NTN1: variants seen among roughly 807,000 people sequenced by gnomAD.
NTN1 encodes netrin 1, also known as netrin-1.
NTN1 carries 11 observed loss-of-function variants against 54.2 expected under a neutral mutation model. The observed-to-expected ratio is 0.20, with a 90% CI of 0.13 to 0.34. The LOEUF (loss-of-function observed/expected upper bound fraction) is 0.34, where lower values mean the gene tolerates loss of function less well. Ranked by LOEUF, NTN1 falls within the 10% of genes least tolerant of loss-of-function variation. The pLI is 1.00. For synonymous variants in NTN1, 371 were observed against 382.0 expected, an observed-to-expected ratio of 0.97 and a Z score of 0.33; for missense variants, 740 against 893.1, an observed-to-expected ratio of 0.83 and a Z score of 2.18.
intron 2 of NTN1, among the ~76,000 whole-genome samples, chr17:9,112,198 G>A (rs1257301088): frequency 1.3e-5 from 2 of 152,248 alleles, no homozygotes; most frequent in Admixed American, 1.3e-4. Flanking sequence ...CCAAGGACAG[G>A]ACACTCTGTG....
At position 9,043,032 on chromosome 17, in the gene NTN1, G is replaced by A. The variant is rs150318948; in HGVS notation, c.1018+19641G>A. 3.2e-3 allele frequency among the ~76,000 whole-genome samples: 483 copies of A among 152,030 alleles called. 3 individuals carry two copies. The highest frequency in any genetic ancestry group is 0.011 in the African/African-American group (459 of 41,468). On this transcript the variant is annotated intron_variant, in intron 2 of 6. Transcript: ENST00000173229. The stretch of plus-strand genomic sequence containing the variant: ...ATTTCAATTTCTTCCATACTTATGT[G>A]TTTATTCAGAAATTTTTCAACTGCT...
At chr17:9,094,357 A>G (rs1235245374) in intron 2 of NTN1, among the ~76,000 whole-genome samples, 2 of 152,010 alleles carry the variant, frequency 1.3e-5, no homozygotes, top group Non-Finnish European at 1.5e-5. Context: ...GTGTCTGTTT[A>G]GTTCTTTTTG....
intron 2 of NTN1, among the ~76,000 whole-genome samples, chr17:9,147,507 C>A (rs1469686870): frequency 6.6e-6 from 1 of 152,086 alleles, no homozygotes; most frequent in Non-Finnish European, 1.5e-5. Context: ...GAGAGAGACT[C>A]CGTCTCAAAA....
intron 6 of NTN1, among the ~76,000 whole-genome samples, chr17:9,223,083 G>T (rs1007855291): frequency 6.6e-6 from 1 of 152,154 alleles, no homozygotes; most frequent in African/African-American, 2.4e-5. Context: ...GGCCCTTCAG[G>T]GGTCTACAGT....
At chr17:9,115,155 AG>A (rs1207248811) in intron 2 of NTN1, among the ~76,000 whole-genome samples, 1 of 152,182 alleles carries the variant, frequency 6.6e-6, no homozygotes, top group African/African-American at 2.4e-5. Context: ...GCTCCTTGAG[AG>A]AAAGGACTGT....
At chr17:9,140,969 C>T (rs571440156) in intron 2 of NTN1, among the ~76,000 whole-genome samples, 2 of 152,150 alleles carry the variant, frequency 1.3e-5, no homozygotes, top group South Asian at 4.2e-4. Context: ...TGGGCGGTGA[C>T]AGTGGTGACT....
At chr17:9,158,005 C>A (rs1163076640) in intron 2 of NTN1, among the ~76,000 whole-genome samples, 1 of 152,106 alleles carries the variant, frequency 6.6e-6, no homozygotes, top group African/African-American at 2.4e-5. Flanking sequence ...TGTGTGGAGC[C>A]GAGGGATCCA....
Position 9,022,530 on chromosome 17 carries a change from C to T in NTN1, c.157C>T (p.Pro53Ser). The T allele has an allele frequency of 1.3e-6, 2 of 1,550,760 alleles. No individual in the cohort carries two copies. The highest frequency in any genetic ancestry group is 1.7e-6 in the Non-Finnish European group (2 of 1,150,930). Residue 53 changes from proline (P) to serine (S), a missense_variant, in exon 2 of 7, where the codon CCG becomes TCG. Transcript: ENST00000173229. Reference sequence around the variant, plus strand: ...GAACGGCCACCCGCGCCGCTGCATCCCGGACTTTGTCAATGCGGCCTTCGG... The same window carrying T: ...GAACGGCCACCCGCGCCGCTGCATCTCGGACTTTGTCAATGCGGCCTTCGG... ...DENGHPRRCI[P>S]DFVNAAFGKD... is the part of the protein sequence containing the mutation.
intron 2 of NTN1, among the ~76,000 whole-genome samples, chr17:9,075,617 GC>G (rs1171848671): frequency 1.3e-5 from 2 of 152,348 alleles, no homozygotes; most frequent in East Asian, 3.9e-4. Flanking sequence ...AAAGGGGACG[GC>G]CTGTCAGCCT....
At chr17:9,127,258 T>A (rs1427708157) in intron 2 of NTN1, among the ~76,000 whole-genome samples, 1 of 151,982 alleles carries the variant, frequency 6.6e-6, no homozygotes, top group Non-Finnish European at 1.5e-5. Flanking sequence ...AGGTGGGAGA[T>A]GACGGGGGCT....
chr17:9,176,555 T>C (rs908372779), intron 3 of NTN1: 3 of 152,204 alleles, frequency 2.0e-5, no homozygotes, highest in African/African-American at 7.2e-5. Flanking sequence ...TTGCCATCTG[T>C]CAACTCTCCC....
At chr17:9,235,248 A>T (rs1905946393) in intron 6 of NTN1, among the ~76,000 whole-genome samples, 1 of 152,088 alleles carries the variant, frequency 6.6e-6, no homozygotes, top group Admixed American at 6.5e-5. Flanking sequence ...TACAGGTGTA[A>T]GTCACCGTGC....
chr17:9,161,018 T>C (rs2092355428), intron 2 of NTN1, among the ~76,000 whole-genome samples: 1 of 152,144 alleles, frequency 6.6e-6, no homozygotes, highest in Admixed American at 6.5e-5. Context: ...TAAAACGTGA[T>C]TTAGAACACA....
chr17:9,058,925 T>C (rs2091987796), intron 2 of NTN1, among the ~76,000 whole-genome samples: 1 of 152,134 alleles, frequency 6.6e-6, no homozygotes, highest in African/African-American at 2.4e-5. Context: ...AAATCCAGAC[T>C]CGGCCACTTC....
In NTN1 at chr17:9,226,162, C is replaced by CG. The variant is rs71135953; in HGVS notation, c.1486+4929dup. On this transcript the variant is annotated intron_variant, in intron 6 of 6. Transcript: ENST00000173229. The stretch of plus-strand genomic sequence containing the variant: ...GAAGCAAGGCAAAGGGATTTGGGGT[C>CG]GGGGGGGGGCCTCAGTGCCAAGGCC... Among the ~76,000 whole-genome samples the CG allele has an allele frequency of 2.9e-3, 333 of 116,520 alleles. 10 individuals are homozygous for CG. The highest frequency in any genetic ancestry group is 0.011 in the South Asian group (31 of 2,930). The allele number at this position is 116,520 out of a possible 152,430, so 76.4% of individuals were successfully genotyped here.
intron 2 of NTN1, among the ~76,000 whole-genome samples, chr17:9,031,808 A>G: frequency 6.6e-6 from 1 of 151,958 alleles, no homozygotes; most frequent in Non-Finnish European, 1.5e-5. Flanking sequence ...AACAAACAAA[A>G]AAAACTAGCC....
chr17:9,151,952 G>C (rs908871227), intron 2 of NTN1, among the ~76,000 whole-genome samples: 2 of 152,168 alleles, frequency 1.3e-5, no homozygotes, highest in Non-Finnish European at 2.9e-5. Context: ...ATCAGCCCGA[G>C]TCTAAAAGTA....
intron 5 of NTN1, among the ~76,000 whole-genome samples, chr17:9,197,589 G>T (rs1188999768): frequency 6.6e-6 from 1 of 151,722 alleles, no homozygotes; most frequent in Non-Finnish European, 1.5e-5. Context: ...GAACAGAGGA[G>T]GTGGAGGTTG....
At chr17:9,229,190 T>C (rs1209054739) in intron 6 of NTN1, among the ~76,000 whole-genome samples, 1 of 152,038 alleles carries the variant, frequency 6.6e-6, no homozygotes, top group Non-Finnish European at 1.5e-5. Flanking sequence ...CTGTGCTCTC[T>C]TGGGGGTCCG....
Sources: allele counts gnomAD v4.1 joint callset (sites outside exome capture counted in the v4.1 genomes callset), GRCh38; gene constraint gnomAD v4.1.1; transcripts MANE v1.5; gene names NCBI Gene and HGNC (gene_info 2026-07-23, HGNC 2026-07-21).